The following PSD3 variants were observed in gnomAD, a reference collection of about 807,000 sequenced individuals.
PSD3 encodes pleckstrin and Sec7 domain containing 3.
A neutral mutation model predicts 105.5 loss-of-function variants in PSD3; 49 were observed. The ratio of observed to expected loss-of-function variants is 0.46; its 90% CI spans 0.37 to 0.59. The LOEUF is 0.59. Among genes scored for constraint, PSD3 ranks in the 20% least tolerant of loss-of-function variants. PSD3 has a pLI of 0.00. For missense variants in PSD3, 1,561 were observed against 1,263.8 expected (o/e 1.24, Z -3.57); for synonymous variants, 557 against 457.8 (o/e 1.22, Z -2.77).
At chr8:18,632,299 A>C (rs890895726) in intron 11 of PSD3, among the ~76,000 whole-genome samples, 36 of 152,104 alleles carry the variant, frequency 2.4e-4, no homozygotes, top group African/African-American at 8.4e-4. Flanking sequence ...CCTCCTGCTC[A>C]ACCCTGTATT....
chr8:18,686,383 C>A (rs1800664295), intron 9 of PSD3, among the ~76,000 whole-genome samples: 1 of 152,160 alleles, frequency 6.6e-6, no homozygotes, highest in African/African-American at 2.4e-5. Context: ...CACGCTGTGT[C>A]CCTCACACTA....
chr8:18,801,140 A>G, intron 7 of PSD3, 130 bp downstream of exon 7: 1 of 556,070 alleles, frequency 1.8e-6, no homozygotes. Flanking sequence ...AGAATGAAGT[A>G]AACAGAAGTG....
chr8:18,559,766 A>C (rs561127598), intron 14 of PSD3, among the ~76,000 whole-genome samples: 26 of 152,218 alleles, frequency 1.7e-4, no homozygotes, highest in Admixed American at 5.9e-4. Context: ...ATTTCTACTT[A>C]TTTTAATGAG....
intron 8 of PSD3, among the ~76,000 whole-genome samples, chr8:18,786,070 A>C (rs549765858): frequency 6.6e-6 from 1 of 152,100 alleles, no homozygotes; most frequent in Non-Finnish European, 1.5e-5. Context: ...CTTACAATAA[A>C]AAGTTTCCCT....
intron 10 of PSD3, among the ~76,000 whole-genome samples, chr8:18,639,045 C>T (rs1051318870): frequency 3.3e-5 from 5 of 152,190 alleles, no homozygotes; most frequent in African/African-American, 4.8e-5. Flanking sequence ...ACCATCCCCT[C>T]TTCGATCCCT....
At chr8:18,980,708 C>T (rs897064873) in intron 1 of PSD3, among the ~76,000 whole-genome samples, 2 of 152,190 alleles carry the variant, frequency 1.3e-5, no homozygotes, top group East Asian at 3.9e-4. Flanking sequence ...TGCTTTTGGG[C>T]TTTCATTATC....
intron 2 of PSD3, among the ~76,000 whole-genome samples, chr8:18,909,124 G>A (rs7840520): frequency 6.6e-6 from 1 of 152,068 alleles, no homozygotes; most frequent in Non-Finnish European, 1.5e-5. Flanking sequence ...TCATCAAAAG[G>A]GCAAATACTC....
chr8:18,648,425 T>C (rs949115525), intron 10 of PSD3, among the ~76,000 whole-genome samples: 4 of 152,156 alleles, frequency 2.6e-5, no homozygotes, highest in African/African-American at 9.7e-5. Flanking sequence ...ATCTGTGGAA[T>C]TTTGAACTTG....
intron 1 of PSD3, among the ~76,000 whole-genome samples, chr8:19,057,008 C>A (rs529570045): frequency 6.6e-6 from 1 of 152,082 alleles, no homozygotes; most frequent in Non-Finnish European, 1.5e-5. Context: ...CAAACCTATA[C>A]GCCGGTTTGC....
intron 8 of PSD3, among the ~76,000 whole-genome samples, chr8:18,798,896 A>G (rs1810427152): frequency 6.6e-6 from 1 of 152,182 alleles, no homozygotes; most frequent in Non-Finnish European, 1.5e-5. Flanking sequence ...AGAAAGGCTG[A>G]GTTATTCAAC....
rs773444554 is a variant in PSD3 at position 18,872,324 on chromosome 8, T to C, written c.540A>G (p.Thr180=). Residue 180 remains threonine (T), a synonymous_variant, in exon 3 of 16, where the codon ACA becomes ACG. Transcript: ENST00000327040. ...EKELDTASRK[T]QRVNKTLPAG... ...CAGGGAGCGTTTTGTTGACTCTCTG[T>C]GTTTTACGACTGGCAGTGTCCAGCT... The C allele has an allele frequency of 6.2e-7, 1 of 1,614,084 alleles. No individual in the cohort carries two copies. The highest frequency in any genetic ancestry group is 1.3e-5 in the African/African-American group (1 of 74,948).
chr8:19,033,086 AAAAC>A lies in PSD3; in HGVS notation c.324+51116_324+51119del, dbSNP rs201973697. On this transcript the variant is annotated intron_variant, in intron 1 of 1. Coordinates refer to the PSD3 transcript ENST00000521475. ...ACTGAACATAGCAAGACCCTATCTCAAAACAAACAAACAAACAAACAAACAAACG... is the reference window on the plus strand; with the variant it reads ...ACTGAACATAGCAAGACCCTATCTCAAAACAAACAAACAAACAAACAAACG... 6.1e-3 allele frequency among the ~76,000 whole-genome samples: 920 copies of A among 151,728 alleles called. 12 individuals carry two copies. Among genetic ancestry groups the A allele is most frequent in the Admixed American group, 0.016 (244 of 15,240 alleles).
intron 2 of PSD3, among the ~76,000 whole-genome samples, chr8:18,922,181 T>G (rs181997420): frequency 4.5e-4 from 68 of 152,210 alleles, no homozygotes; most frequent in African/African-American, 1.6e-3. Flanking sequence ...CACCTGACAA[T>G]GAAAAAACGG....
intron 1 of PSD3, among the ~76,000 whole-genome samples, chr8:18,985,753 A>G (rs1018138458): frequency 6.6e-6 from 1 of 152,176 alleles, no homozygotes; most frequent in African/African-American, 2.4e-5. Context: ...TCATTTTTTA[A>G]GTTGTAATGA....
chr8:18,579,843 C>G (rs2717718), intron 12 of PSD3, among the ~76,000 whole-genome samples: 80,096 of 151,922 alleles, frequency 0.53, 21,226 homozygotes, highest in Middle Eastern at 0.61. Context: ...TACTTCATGC[C>G]TCATTAAATA....
chr8:18,884,732 A>T (rs1340225459), intron 2 of PSD3, among the ~76,000 whole-genome samples: 1 of 152,250 alleles, frequency 6.6e-6, no homozygotes, highest in Non-Finnish European at 1.5e-5. Context: ...CCAAGTGATT[A>T]ATAGTTACAG....
chr8:18,785,870 G>T (rs116124042), intron 8 of PSD3, among the ~76,000 whole-genome samples: 1 of 152,132 alleles, frequency 6.6e-6, no homozygotes, highest in East Asian at 1.9e-4. Flanking sequence ...AGCCTTTGGC[G>T]CAGTCAAAAC....
intron 8 of PSD3, among the ~76,000 whole-genome samples, chr8:18,776,313 AAAATATATATAAACTATAT>A (rs1204994214): frequency 6.8e-6 from 1 of 147,294 alleles, no homozygotes; most frequent in Non-Finnish European, 1.5e-5. Flanking sequence ...TATATAGTAT[AAAATATATATAAACTATAT>A]AAATATATAT....
At chr8:19,051,007 G>A (rs954130274) in intron 1 of PSD3, among the ~76,000 whole-genome samples, 2 of 152,128 alleles carry the variant, frequency 1.3e-5, no homozygotes, top group Non-Finnish European at 2.9e-5. Context: ...AGGATTTGAT[G>A]TTAAGACATA....
Sources: gnomAD v4.1 joint callset for allele counts (sites outside exome capture counted in the v4.1 genomes callset) on GRCh38, gnomAD v4.1.1 for gene constraint, MANE v1.5 for transcripts, NCBI Gene and HGNC (gene_info 2026-07-23, HGNC 2026-07-21) for gene names.